JHY: variants seen among roughly 807,000 people sequenced by gnomAD.
JHY encodes jhy protein homolog.
In JHY, 69 loss-of-function variants were observed where a neutral mutation model predicts 78.0. That is an observed-to-expected ratio of 0.88 (90% CI 0.73 to 1.08). The LOEUF (loss-of-function observed/expected upper bound fraction) is 1.08. Ranked by LOEUF, JHY falls within the 50% of genes least tolerant of loss-of-function variation. The probability of loss-of-function intolerance (pLI) is 0.00; values close to 1 mark genes in which losing one functional copy is unlikely to be tolerated. For missense variants in JHY, 944 were observed against 927.8 expected (o/e 1.02, Z -0.23); for synonymous variants, 368 against 342.6 (o/e 1.07, Z -0.82).
At chr11:122,922,849 A>G (rs1453594328) in intron 3 of JHY, among the ~76,000 whole-genome samples, 2 of 148,570 alleles carry the variant, frequency 1.3e-5, no homozygotes, top group Non-Finnish European at 3.0e-5. Context: ...AGCAGAGGGG[A>G]GATCTGAACA....
Position 122,910,367 on chromosome 11 carries a change from C to T in JHY, c.864+5923C>T, listed in dbSNP as rs116263893. On this transcript the variant is annotated intron_variant, in intron 3 of 8. Transcript: ENST00000227349. ...ACGGGTGCCTCTAATCCCAGCTACT[C>T]GGGAAGCCCATGAGAATTGTCTGAG... is the stretch of plus-strand genomic sequence containing the variant. Among the ~76,000 whole-genome samples the T allele has an allele frequency of 7.6e-3, 1,156 of 151,874 alleles. 27 individuals carry two copies. Among genetic ancestry groups the T allele is most frequent in the African/African-American group, 0.027 (1,099 of 41,432 alleles).
rs757012959 is a variant in JHY at position 122,946,475 on chromosome 11, G to A, written c.1635-23G>A. On this transcript the variant is annotated intron_variant, in intron 5 of 8. Transcript: ENST00000227349. ...GTATTTGGATTTTATTAATAGATTT[G>A]TGCCTTTTTTTTTTTCATTAAGGAA... 7.1e-6 allele frequency: 11 copies of A among 1,547,036 alleles called. No homozygotes were observed. The Admixed American group carries it at 1.1e-4, about 15-fold the overall frequency.
intron 4 of JHY, among the ~76,000 whole-genome samples, chr11:122,931,479 T>C (rs7101798): frequency 0.24 from 35,994 of 152,162 alleles, 4,743 homozygotes; most frequent in Middle Eastern, 0.32. Flanking sequence ...GAACACAGAG[T>C]TCTTCCTTAC....
At chr11:122,893,006 C>T (rs1240615712) in intron 2 of JHY, among the ~76,000 whole-genome samples, 1 of 152,182 alleles carries the variant, frequency 6.6e-6, no homozygotes, top group Non-Finnish European at 1.5e-5. Context: ...AGTCAACTTT[C>T]ATTCCCATTG....
chr11:122,894,702 C>T (rs1862701137), intron 2 of JHY, among the ~76,000 whole-genome samples: 2 of 151,840 alleles, frequency 1.3e-5, no homozygotes, highest in Admixed American at 6.6e-5. Flanking sequence ...AAGACTGGTA[C>T]TATTAAGAAC....
intron 3 of JHY, chr11:122,905,291 T>A: frequency 6.2e-7 from 1 of 1,611,816 alleles, no homozygotes. Context: ...TATGGACATG[T>A]CCAGGGATAC....
intron 2 of JHY, among the ~76,000 whole-genome samples, chr11:122,897,849 G>C (rs3107621): frequency 0.95 from 145,386 of 152,296 alleles, 69,447 homozygotes; most frequent in Middle Eastern, 0.99. Flanking sequence ...CATAACGGCA[G>C]AGATGGAAAC....
intron 6 of JHY, among the ~76,000 whole-genome samples, chr11:122,953,836 C>G (rs1287352849): frequency 6.6e-6 from 1 of 152,044 alleles, no homozygotes; most frequent in East Asian, 1.9e-4. Flanking sequence ...AGTTCAAAGC[C>G]TTCCTTAAGA....
intron 4 of JHY, among the ~76,000 whole-genome samples, chr11:122,931,218 A>G (rs1288835966): frequency 6.6e-6 from 1 of 152,250 alleles, no homozygotes; most frequent in Non-Finnish European, 1.5e-5. Flanking sequence ...GCCAGTAGAA[A>G]AAAATTAAAA....
At chr11:122,918,795 CAGGTGAGTAGT>C (rs1863289642) in intron 3 of JHY, among the ~76,000 whole-genome samples, 1 of 151,226 alleles carries the variant, frequency 6.6e-6, no homozygotes, top group Non-Finnish European at 1.5e-5. Context: ...GAGCATAGCA[CAGGTGAGTAGT>C]ACCCGTAGAG....
At chr11:122,915,031 T>A (rs1451635230) in intron 3 of JHY, among the ~76,000 whole-genome samples, 2 of 152,070 alleles carry the variant, frequency 1.3e-5, no homozygotes, top group Non-Finnish European at 2.9e-5. Flanking sequence ...TTGACATTAT[T>A]GAAGAGGGAT....
chr11:122,903,949 T>G lies in JHY; in HGVS notation c.369T>G (p.Tyr123Ter). The G allele has an allele frequency of 6.2e-7, 1 of 1,600,928 alleles. No individual in the cohort carries two copies. Among genetic ancestry groups the G allele is most frequent in the Non-Finnish European group, 8.5e-7 (1 of 1,171,996 alleles). Residue 123 changes from tyrosine to a stop codon, truncating the protein, a stop_gained, in exon 3 of 9, where the codon TAT becomes TAG. Coordinates refer to ENST00000227349, the MANE Select transcript of JHY (RefSeq NM_024806.4). LOFTEE classifies it high-confidence loss of function. ...NNRQQPIEDK[Y>*]SDLRYDPNWK... is the part of the protein sequence containing the mutation. The stretch of plus-strand genomic sequence containing the variant: ...GGCAACAACCAATAGAAGACAAATA[T>G]TCAGACCTCCGCTATGACCCGAACT...
chr11:122,931,922 C>T (rs1306320608), intron 4 of JHY, among the ~76,000 whole-genome samples: 1 of 152,092 alleles, frequency 6.6e-6, no homozygotes, highest in African/African-American at 2.4e-5. Context: ...ATTATCATCC[C>T]AGCATTAGGC....
At chr11:122,899,695 T>A (rs1421993074) in intron 2 of JHY, among the ~76,000 whole-genome samples, 2 of 152,196 alleles carry the variant, frequency 1.3e-5, no homozygotes, top group African/African-American at 4.8e-5. Flanking sequence ...GACAAGATTA[T>A]CACAGTGAAA....
chr11:122,928,486 A>G (rs1207605030), intron 4 of JHY, among the ~76,000 whole-genome samples: 1 of 151,948 alleles, frequency 6.6e-6, no homozygotes, highest in East Asian at 1.9e-4. Context: ...TCACACAACA[A>G]ATATTTATTG....
At chr11:122,943,448 C>A (rs76198704) in intron 5 of JHY, among the ~76,000 whole-genome samples, 2,760 of 152,254 alleles carry the variant, frequency 0.018, 79 homozygotes, top group South Asian at 0.11. Context: ...TATATACTTA[C>A]ATTCTATGTA....
At position 122,961,122 on chromosome 11, in the gene JHY, G is replaced by A. The variant is rs7115852; in HGVS notation, c.*1677G>A. ...ATCCCAATTGAGAGAGCCAGAAACA[G>A]TTGACTGACTAAATGGAAACTAGGC... is the stretch of plus-strand genomic sequence containing the variant. On this transcript the variant is annotated 3_prime_UTR_variant, in exon 9 of 9. Coordinates refer to ENST00000227349, the MANE Select transcript of JHY (RefSeq NM_024806.4). 427,624 of 861,428 alleles carry A rather than the reference G, an allele frequency of 0.5. 110,582 individuals carry two copies. The highest frequency in any genetic ancestry group is 0.55 in the Non-Finnish European group (296,175 of 536,952). 53.4% of individuals were successfully genotyped at this position (861,428 alleles called of 1,614,324 possible).
At chr11:122,905,282 A>G (rs750292961) in intron 3 of JHY, 8 of 1,612,970 alleles carry the variant, frequency 5.0e-6, no homozygotes, top group Non-Finnish European at 6.8e-6. Flanking sequence ...CCCACCTCCT[A>G]TGGACATGTC....
intron 4 of JHY, among the ~76,000 whole-genome samples, chr11:122,933,385 C>T (rs1029937862): frequency 3.9e-5 from 6 of 152,190 alleles, no homozygotes; most frequent in Non-Finnish European, 8.8e-5. Flanking sequence ...AGCATTTAAT[C>T]ATTCTTTGCA....
Sources: gnomAD v4.1 joint callset for allele counts (sites outside exome capture counted in the v4.1 genomes callset) on GRCh38, gnomAD v4.1.1 for gene constraint, MANE v1.5 for transcripts, NCBI Gene and HGNC (gene_info 2026-07-23, HGNC 2026-07-21) for gene names.